CACNA1A: variants seen among roughly 807,000 people sequenced by gnomAD.
CACNA1A encodes calcium voltage-gated channel subunit alpha1 A.
In CACNA1A, 57 loss-of-function variants were observed where a neutral mutation model predicts 262.4. The observed-to-expected ratio is 0.22, with a 90% CI of 0.18 to 0.27. The LOEUF is 0.27. Among genes scored for constraint, CACNA1A ranks in the 10% least tolerant of loss-of-function variants. CACNA1A has a pLI of 1.00. For missense variants in CACNA1A, 2,526 were observed against 3,562.8 expected, an observed-to-expected ratio of 0.71 and a Z score of 7.41; for synonymous variants, 1,431 against 1,419.3, an observed-to-expected ratio of 1.01 and a Z score of -0.18.
chr19:13,230,017 A>G, intron 36 of CACNA1A, 65 bp downstream of exon 36: 3 of 1,572,146 alleles, frequency 1.9e-6, no homozygotes, highest in Non-Finnish European at 2.6e-6. Context: ...GGCCTGACCT[A>G]GCCCGTGTTC....
chr19:13,488,381 TTTTC>T (rs1482392519), intron 1 of CACNA1A, among the ~76,000 whole-genome samples: 1 of 143,984 alleles, frequency 6.9e-6, no homozygotes, highest in Non-Finnish European at 1.5e-5. Flanking sequence ...GCATTTTCCT[TTTTC>T]TTTTCTTTTT....
chr19:13,445,852 G>A (rs1426721681), intron 3 of CACNA1A, among the ~76,000 whole-genome samples: 2 of 152,148 alleles, frequency 1.3e-5, no homozygotes, highest in South Asian at 2.1e-4. Flanking sequence ...ACAGATGTCC[G>A]GGGTAAGATC....
rs768437763 is a variant in CACNA1A at position 13,277,107 on chromosome 19, C to T, written c.3844G>A (p.Val1282Ile). 8.7e-6 allele frequency: 14 copies of T among 1,612,276 alleles called. No homozygotes were observed. The highest frequency in any genetic ancestry group is 3.3e-5 in the Admixed American group (2 of 59,978). Residue 1282 changes from valine to isoleucine, a missense_variant, in exon 23 of 47, where the codon GTT becomes ATT. Physicochemically the swap from Val to Ile is conservative, Grantham distance 29. Transcript: ENST00000360228. ...TCAAAGGTAAAGACGCCTGTAAAAA[C>T]GTAGTCAAAGTATCGCAGCACCTGT... ...RNNVLRYFDY[V>I]FTGVFTFEMV... is the part of the protein sequence containing the mutation.
chr19:13,371,638 C>T, intron 4 of CACNA1A, 50 bp downstream of exon 4: 1 of 1,368,700 alleles, frequency 7.3e-7, no homozygotes. Context: ...AAACTGAGGG[C>T]TCCTGGGGCC....
chr19:13,348,907 T>C (rs771989035), intron 6 of CACNA1A, among the ~76,000 whole-genome samples: 2 of 148,172 alleles, frequency 1.3e-5, no homozygotes, highest in African/African-American at 2.5e-5. Context: ...ACTTGGGAGG[T>C]TGAGGCACAA....
intron 10 of CACNA1A, among the ~76,000 whole-genome samples, chr19:13,318,550 A>G (rs1459298575): frequency 6.6e-6 from 1 of 152,138 alleles, no homozygotes; most frequent in African/African-American, 2.4e-5. Flanking sequence ...GGGAGAGTAG[A>G]CAGTGAGAGG....
chr19:13,209,062 G>A (rs1308585100), intron 45 of CACNA1A, 53 bp from the exon 46 acceptor site: 10 of 1,535,488 alleles, frequency 6.5e-6, no homozygotes, highest in Non-Finnish European at 8.7e-6. Context: ...GGGAGAGGTG[G>A]GGCAGATGCA....
chr19:13,505,894 G>A, intron 1 of CACNA1A, 38 bp downstream of exon 1: 1 of 1,594,096 alleles, frequency 6.3e-7, no homozygotes, highest in South Asian at 1.1e-5. Context: ...GGAGGAGGGG[G>A]AGGCGCAGCT....
chr19:13,319,589 C>T (rs999285755), intron 10 of CACNA1A, among the ~76,000 whole-genome samples: 1 of 152,178 alleles, frequency 6.6e-6, no homozygotes, highest in Non-Finnish European at 1.5e-5. Flanking sequence ...CAGCAAAATT[C>T]TCAACAGAGA....
At chr19:13,266,855 G>A (rs904892012) in intron 24 of CACNA1A, among the ~76,000 whole-genome samples, 7 of 152,198 alleles carry the variant, frequency 4.6e-5, no homozygotes. Context: ...GATTAGAGGC[G>A]TGAGCCACCG....
At chr19:13,339,251 T>C (rs987250569) in intron 6 of CACNA1A, among the ~76,000 whole-genome samples, 2 of 152,190 alleles carry the variant, frequency 1.3e-5, no homozygotes, top group Non-Finnish European at 2.9e-5. Flanking sequence ...GAGGGCATTA[T>C]GCTATGTGAA....
chr19:13,452,762 G>T, intron 3 of CACNA1A, 114 bp downstream of exon 3: 1 of 921,660 alleles, frequency 1.1e-6, no homozygotes, highest in East Asian at 2.4e-5. Context: ...GCATAACAAG[G>T]GGAGGGAGAA....
chr19:13,334,561 T>TTGTTTGTG (rs2058526243), intron 7 of CACNA1A, 68 bp from the exon 8 acceptor site: 10 of 312,660 alleles, frequency 3.2e-5, no homozygotes, highest in Non-Finnish European at 5.6e-5. Flanking sequence ...GTGTGTGTGT[T>TTGTTTGTG]TGTGTGTGTG....
chr19:13,234,768 A>C, intron 34 of CACNA1A, 153 bp downstream of exon 34: 6 of 590,440 alleles, frequency 1.0e-5, no homozygotes, highest in Non-Finnish European at 1.2e-5. Context: ...CCCTACCGGA[A>C]AAGAAGGGTG....
intron 27 of CACNA1A, chr19:13,258,863 T>G (rs966015431): frequency 6.6e-6 from 1 of 152,104 alleles, no homozygotes. Context: ...ATCAAGATAA[T>G]CTTTTGCTCC....
chr19:13,496,043 ACCAT>A (rs140251496), intron 1 of CACNA1A, among the ~76,000 whole-genome samples: 110,847 of 145,610 alleles, frequency 0.76, 43,364 homozygotes, highest in Non-Finnish European at 0.86. Context: ...CATCTGTTCA[ACCAT>A]CCATCCATCC....
chr19:13,409,426 A>G (rs959592368), intron 3 of CACNA1A, among the ~76,000 whole-genome samples: 2 of 151,750 alleles, frequency 1.3e-5, no homozygotes, highest in African/African-American at 4.8e-5. Flanking sequence ...CTTTTATTAG[A>G]CTCAAAGTAC....
At chr19:13,428,291 G>A (rs1186618126) in intron 3 of CACNA1A, among the ~76,000 whole-genome samples, 2 of 152,202 alleles carry the variant, frequency 1.3e-5, no homozygotes, top group Non-Finnish European at 2.9e-5. Flanking sequence ...AGGGCTCATA[G>A]TAAATGCTAG....
At chr19:13,320,740 GTC>G (rs2058235718) in intron 10 of CACNA1A, among the ~76,000 whole-genome samples, 1 of 151,934 alleles carries the variant, frequency 6.6e-6, no homozygotes, top group South Asian at 2.1e-4. Context: ...ATACATTCCT[GTC>G]TCTCGTTTTT....
Sources: gnomAD v4.1 joint callset for allele counts (sites outside exome capture counted in the v4.1 genomes callset) on GRCh38, gnomAD v4.1.1 for gene constraint, MANE v1.5 for transcripts, NCBI Gene and HGNC (gene_info 2026-07-23, HGNC 2026-07-21) for gene names.